Variants in WWOX observed in about 807,000 individuals in gnomAD.
WWOX encodes the protein WW domain-containing oxidoreductase.
A neutral mutation model predicts 46.2 loss-of-function variants in WWOX; 69 were observed. That is an observed-to-expected ratio of 1.49 (90% CI 1.23 to 1.82). The LOEUF (loss-of-function observed/expected upper bound fraction) is 1.82. Among genes scored for constraint, WWOX ranks in the 40% most tolerant of loss-of-function variants. WWOX has a pLI of 0.00. For missense variants in WWOX, 919 were observed against 542.6 expected (o/e 1.69, Z -6.89); for synonymous variants, 359 against 202.6 (o/e 1.77, Z -6.56).
At chr16:78,141,070 T>C (rs897074246) in intron 4 of WWOX, among the ~76,000 whole-genome samples, 12 of 152,234 alleles carry the variant, frequency 7.9e-5, no homozygotes, top group African/African-American at 2.9e-4. Context: ...TTTTGCCTCG[T>C]TATCATCAGA....
At chr16:78,475,482 T>G (rs756426538) in intron 8 of WWOX, among the ~76,000 whole-genome samples, 2 of 152,234 alleles carry the variant, frequency 1.3e-5, no homozygotes, top group Non-Finnish European at 2.9e-5. Context: ...TATAAGGTGG[T>G]CCTTTATAAA....
intron 8 of WWOX, among the ~76,000 whole-genome samples, chr16:79,184,250 A>C (rs1242038895): frequency 2.0e-5 from 3 of 152,204 alleles, no homozygotes; most frequent in African/African-American, 7.2e-5. Context: ...GTAGACTATT[A>C]GTTTGTAGAG....
chr16:78,560,874 C>G (rs921857246), intron 8 of WWOX, among the ~76,000 whole-genome samples: 1 of 151,822 alleles, frequency 6.6e-6, no homozygotes, highest in Non-Finnish European at 1.5e-5. Flanking sequence ...TTTTCTTTTG[C>G]TATTGCTGTG....
At chr16:78,841,969 C>A (rs1376244406) in intron 8 of WWOX, among the ~76,000 whole-genome samples, 1 of 152,018 alleles carries the variant, frequency 6.6e-6, no homozygotes, top group African/African-American at 2.4e-5. Context: ...TGTGGGACAC[C>A]CAGCTATTCT....
chr16:78,746,597 AT>A (rs547275034), intron 8 of WWOX, among the ~76,000 whole-genome samples: 23 of 147,704 alleles, frequency 1.6e-4, no homozygotes, highest in East Asian at 4.0e-4. Context: ...TGGCCTTGTA[AT>A]TTTTTTTTTT....
intron 8 of WWOX, among the ~76,000 whole-genome samples, chr16:79,112,638 A>G (rs1597386538): frequency 6.6e-6 from 1 of 152,218 alleles, no homozygotes; most frequent in African/African-American, 2.4e-5. Context: ...TGCATAAAAG[A>G]TTAAGAAAGC....
At chr16:79,203,090 A>T (rs190648165) in intron 8 of WWOX, 102 of 152,346 alleles carry the variant, frequency 6.7e-4, no homozygotes, top group African/African-American at 2.4e-3. Context: ...AGCACACACG[A>T]TCATTTCCTA....
intron 8 of WWOX, among the ~76,000 whole-genome samples, chr16:78,876,170 C>T (rs369587637): frequency 6.6e-6 from 1 of 151,756 alleles, no homozygotes; most frequent in East Asian, 1.9e-4. Flanking sequence ...TTTTGCTTTA[C>T]GTTTTAACAA....
At chr16:79,138,806 C>T (rs574989233) in intron 8 of WWOX, among the ~76,000 whole-genome samples, 2 of 152,272 alleles carry the variant, frequency 1.3e-5, no homozygotes, top group African/African-American at 4.8e-5. Context: ...GAGATGCAGG[C>T]CCACAGTAGG....
intron 6 of WWOX, among the ~76,000 whole-genome samples, chr16:78,387,708 C>T (rs561081662): frequency 2.0e-5 from 3 of 152,048 alleles, no homozygotes; most frequent in Non-Finnish European, 4.4e-5. Context: ...TATTTTTACT[C>T]ATATTTAGGG....
chr16:78,524,057 C>T (rs2043405046), intron 8 of WWOX, among the ~76,000 whole-genome samples: 1 of 152,124 alleles, frequency 6.6e-6, no homozygotes, highest in African/African-American at 2.4e-5. Context: ...GTGGTGATTC[C>T]AATGTGAGTG....
intron 8 of WWOX, among the ~76,000 whole-genome samples, chr16:78,547,011 C>G (rs1055276830): frequency 6.6e-6 from 1 of 151,356 alleles, no homozygotes. Flanking sequence ...GCCTGTGGTC[C>G]CAGCTACTTG....
At position 78,483,408 on chromosome 16, in the gene WWOX, G is replaced by A. The variant is rs1205577821; in HGVS notation, c.1056+50656G>A. On this transcript the variant is annotated intron_variant, in intron 8 of 8. Transcript: ENST00000566780. ...TTTTTTTAATACTTTTCTTTTTGCCGGCATCTGCGTAGAATTTTTTTTTTT... is the reference window on the plus strand; with the variant it reads ...TTTTTTTAATACTTTTCTTTTTGCCAGCATCTGCGTAGAATTTTTTTTTTT... Among the ~76,000 whole-genome samples, 14 of 149,012 alleles carry A rather than the reference G, an allele frequency of 9.4e-5. No homozygotes were observed. The South Asian group carries it at 1.9e-3, about 20-fold the overall frequency.
At chr16:78,326,512 C>T (rs1458141963) in intron 5 of WWOX, among the ~76,000 whole-genome samples, 3 of 127,428 alleles carry the variant, frequency 2.4e-5, no homozygotes, top group African/African-American at 3.8e-5. Context: ...ATCACTGTTA[C>T]TTACTGTGTT....
intron 8 of WWOX, among the ~76,000 whole-genome samples, chr16:79,182,926 G>C (rs948306053): frequency 3.9e-5 from 6 of 152,206 alleles, no homozygotes; most frequent in Admixed American, 2.0e-4. Flanking sequence ...TCCTCAGAAA[G>C]TAGGCTGAGG....
At chr16:78,743,390 C>T (rs531572301) in intron 8 of WWOX, among the ~76,000 whole-genome samples, 1 of 152,142 alleles carries the variant, frequency 6.6e-6, no homozygotes, top group Admixed American at 6.5e-5. Context: ...GGATCTGCTT[C>T]ATGCTGTATT....
chr16:78,624,310 G>C (rs2151648650), intron 8 of WWOX, among the ~76,000 whole-genome samples: 1 of 151,084 alleles, frequency 6.6e-6, no homozygotes, highest in East Asian at 2.0e-4. Flanking sequence ...CAGGGGCTCT[G>C]CAAAGTTTCT....
At chr16:78,962,742 A>G (rs1275775530) in intron 8 of WWOX, among the ~76,000 whole-genome samples, 1 of 152,210 alleles carries the variant, frequency 6.6e-6, no homozygotes, top group African/African-American at 2.4e-5. Context: ...AACACCACTC[A>G]GATCAAGACA....
At chr16:78,718,039 C>G (rs543763040) in intron 8 of WWOX, among the ~76,000 whole-genome samples, 1 of 128,160 alleles carries the variant, frequency 7.8e-6, no homozygotes, top group African/African-American at 3.1e-5. Context: ...GCCTGCCAGA[C>G]TGCAAACGTT....
Sources: allele counts gnomAD v4.1 joint callset (sites outside exome capture counted in the v4.1 genomes callset), GRCh38; gene constraint gnomAD v4.1.1; transcripts MANE v1.5; gene names NCBI Gene and HGNC (gene_info 2026-07-23, HGNC 2026-07-21).